The following AK9 variants were observed in gnomAD, a reference collection of about 807,000 sequenced individuals.
AK9 encodes adenylate kinase 9.
In AK9, 191 loss-of-function variants were observed where a neutral mutation model predicts 239.6. The observed-to-expected ratio is 0.80, with a 90% CI of 0.71 to 0.90. AK9 has a LOEUF of 0.90. Among genes scored for constraint, AK9 ranks in the 40% least tolerant of loss-of-function variants. The pLI, the probability that AK9 is intolerant of heterozygous loss-of-function variation, is 0.00. For synonymous variants in AK9, 689 were observed against 721.0 expected (o/e 0.96, Z 0.71); for missense variants, 1,995 against 2,214.7 (o/e 0.90, Z 1.99).
chr6:109,628,254 C>A (rs1026530479), intron 12 of AK9, among the ~76,000 whole-genome samples: 8 of 152,208 alleles, frequency 5.3e-5, no homozygotes, highest in African/African-American at 1.9e-4. Flanking sequence ...TAGGAGCCAT[C>A]CTTTGATAAG....
intron 1 of AK9, among the ~76,000 whole-genome samples, chr6:109,681,408 T>C (rs1305771514): frequency 6.6e-6 from 1 of 152,184 alleles, no homozygotes; most frequent in Non-Finnish European, 1.5e-5. Flanking sequence ...ATACTAAATA[T>C]ATATGCACCC....
At chr6:109,498,986 T>C (rs1326091770) in intron 36 of AK9, 58 bp downstream of exon 36, 6 of 1,343,822 alleles carry the variant, frequency 4.5e-6, no homozygotes, top group Non-Finnish European at 5.8e-6. Flanking sequence ...TATTGATTGA[T>C]TCCAAGATAA....
chr6:109,634,316 C>T (rs561078766), intron 10 of AK9, among the ~76,000 whole-genome samples: 1 of 152,198 alleles, frequency 6.6e-6, no homozygotes, highest in Non-Finnish European at 1.5e-5. Context: ...AGCACAAAGG[C>T]CCTCACCGGA....
At chr6:109,684,643 G>A (rs1275969257) in intron 1 of AK9, among the ~76,000 whole-genome samples, 3 of 151,082 alleles carry the variant, frequency 2.0e-5, no homozygotes, top group Non-Finnish European at 3.0e-5. Context: ...GGGAGGCCGA[G>A]GCGGGCGGAT....
intron 8 of AK9, among the ~76,000 whole-genome samples, chr6:109,649,639 C>T (rs534362351): frequency 1.5e-4 from 23 of 152,272 alleles, no homozygotes; most frequent in Middle Eastern, 3.4e-3. Context: ...CAATCAATAT[C>T]GTGAAAATGG....
chr6:109,511,740 T>C (rs958076657), intron 32 of AK9, among the ~76,000 whole-genome samples: 7 of 152,222 alleles, frequency 4.6e-5, no homozygotes, highest in African/African-American at 1.7e-4. Context: ...CCACAGAGCA[T>C]ATAACTTCAG....
chr6:109,664,615 G>A (rs1446117628), intron 5 of AK9, among the ~76,000 whole-genome samples: 1 of 151,798 alleles, frequency 6.6e-6, no homozygotes, highest in Non-Finnish European at 1.5e-5. Context: ...AGTAGAGACA[G>A]GGTTTCACCA....
At chr6:109,658,495 C>T (rs1486753686) in intron 7 of AK9, among the ~76,000 whole-genome samples, 1 of 152,198 alleles carries the variant, frequency 6.6e-6, no homozygotes, top group East Asian at 1.9e-4. Context: ...CTATCCAGCA[C>T]GGAAGTTATT....
rs367878866 is a variant in AK9 at position 109,493,598 on chromosome 6, A to G, written c.5534-27T>C. The stretch of plus-strand genomic sequence containing the variant: ...TGTAGAAAATTTCACAGAACTGTGA[A>G]TAATTTCTGCTAGTTAGTGAGTCAT... On this transcript the variant is annotated intron_variant, in intron 40 of 40. Coordinates refer to ENST00000424296, the MANE Select transcript of AK9 (RefSeq NM_001145128.3). The G allele has an allele frequency of 1.4e-3, 2,194 of 1,583,554 alleles. 6 individuals are homozygous for G. The highest frequency in any genetic ancestry group is 1.7e-3 in the Non-Finnish European group (1,952 of 1,155,364).
intron 24 of AK9, among the ~76,000 whole-genome samples, chr6:109,554,611 A>T (rs1023906416): frequency 3.5e-5 from 5 of 143,698 alleles, no homozygotes; most frequent in African/African-American, 1.3e-4. Flanking sequence ...TGCTCACTGC[A>T]ACCTCCACCT....
chr6:109,688,042 T>A (rs982021259), intron 1 of AK9, among the ~76,000 whole-genome samples: 8 of 152,170 alleles, frequency 5.3e-5, no homozygotes, highest in Admixed American at 1.3e-4. Context: ...ATGAAGGTGA[T>A]GAAGGATAGG....
intron 21 of AK9, among the ~76,000 whole-genome samples, chr6:109,568,962 G>A (rs4945833): frequency 0.35 from 52,437 of 151,880 alleles, 9,510 homozygotes; most frequent in South Asian, 0.44. Flanking sequence ...AAAAGAGCCC[G>A]TATTGCCAAG....
At chr6:109,670,943 T>C (rs1016623868) in intron 5 of AK9, among the ~76,000 whole-genome samples, 6 of 152,034 alleles carry the variant, frequency 3.9e-5, no homozygotes, top group Non-Finnish European at 8.8e-5. Flanking sequence ...TTATAATCCA[T>C]ATATATTAAT....
intron 17 of AK9, among the ~76,000 whole-genome samples, chr6:109,598,448 C>A (rs1398196821): frequency 5.9e-5 from 9 of 152,106 alleles, no homozygotes; most frequent in African/African-American, 1.2e-4. Flanking sequence ...GTATATGTGC[C>A]ACATTTTCTT....
In AK9 at chr6:109,633,700, A is replaced by G. The variant is rs532163131; in HGVS notation, c.934-377T>C. ...GAAAAATTCTTATTAAAAATTTTGG[A>G]AAATGTACCAGATTCTTAGCTAATT... is the stretch of plus-strand genomic sequence containing the variant. On this transcript the variant is annotated intron_variant, in intron 10 of 40. Coordinates refer to ENST00000424296, the MANE Select transcript of AK9 (RefSeq NM_001145128.3). Among the ~76,000 whole-genome samples, 82 of 152,324 alleles carry G rather than the reference A, an allele frequency of 5.4e-4. No homozygotes were observed. In the East Asian group the frequency reaches 0.015, roughly 28 times the overall value.
chr6:109,653,090 C>A lies in AK9; in HGVS notation c.759+3666G>T, dbSNP rs373558287. On this transcript the variant is annotated intron_variant, in intron 8 of 40. Transcript: ENST00000424296. ...TATAGGTGCCTGCCACCATGCCTGGCTGATTTTTGTATTTTTAGTAGAGAG... is the reference window on the plus strand; with the variant it reads ...TATAGGTGCCTGCCACCATGCCTGGATGATTTTTGTATTTTTAGTAGAGAG... Among the ~76,000 whole-genome samples the A allele has an allele frequency of 1.3e-3, 200 of 152,220 alleles. 2 individuals are homozygous for A. The highest frequency in any genetic ancestry group is 5.4e-3 in the East Asian group (28 of 5,186).
chr6:109,647,994 G>T (rs1360566379), intron 8 of AK9, among the ~76,000 whole-genome samples: 2 of 151,986 alleles, frequency 1.3e-5, no homozygotes, highest in Non-Finnish European at 2.9e-5. Flanking sequence ...TGACTACTGG[G>T]TACATAATGA....
intron 21 of AK9, among the ~76,000 whole-genome samples, chr6:109,566,700 G>C (rs1264508651): frequency 6.6e-6 from 1 of 152,120 alleles, no homozygotes; most frequent in Admixed American, 6.6e-5. Context: ...TGGTATAATG[G>C]ACACTGGAGA....
chr6:109,535,005 T>C (rs1781789121), intron 27 of AK9, among the ~76,000 whole-genome samples: 1 of 152,204 alleles, frequency 6.6e-6, no homozygotes, highest in Admixed American at 6.5e-5. Context: ...CAGTCTATCA[T>C]TGATGGACAT....
Sources: allele counts gnomAD v4.1 joint callset (sites outside exome capture counted in the v4.1 genomes callset), GRCh38; gene constraint gnomAD v4.1.1; transcripts MANE v1.5; gene names NCBI Gene and HGNC (gene_info 2026-07-23, HGNC 2026-07-21).